Variants in STK40 observed in about 807,000 individuals in gnomAD.
The protein encoded by STK40 is serine/threonine-protein kinase 40.
In STK40, 13 loss-of-function variants were observed where a neutral mutation model predicts 47.9. That is an observed-to-expected ratio of 0.27 (90% CI 0.18 to 0.43). STK40 has a LOEUF of 0.43. STK40 is among the 20% of genes least tolerant of loss of function. The pLI is 1.00. For missense variants in STK40, 460 were observed against 595.1 expected, an observed-to-expected ratio of 0.77 and a Z score of 2.36; for synonymous variants, 225 against 243.2, an observed-to-expected ratio of 0.93 and a Z score of 0.69.
intron 2 of STK40, 63 bp from the exon 3 acceptor site, chr1:36,358,885 C>A (rs1359827737): frequency 1.9e-6 from 3 of 1,593,424 alleles, no homozygotes; most frequent in Non-Finnish European, 1.7e-6. Context: ...CGCCAGGTCA[C>A]CACGTGGTCT....
intron 2 of STK40, among the ~76,000 whole-genome samples, chr1:36,360,533 T>G (rs1646842567): frequency 2.0e-5 from 3 of 151,758 alleles, no homozygotes; most frequent in Admixed American, 2.0e-4. Flanking sequence ...TTATTTTATT[T>G]TATTTTATTT....
chr1:36,361,011 C>A (rs1173164727), intron 2 of STK40, among the ~76,000 whole-genome samples: 6 of 152,186 alleles, frequency 3.9e-5, no homozygotes, highest in Admixed American at 3.9e-4. Flanking sequence ...GCCCCTGGTA[C>A]AGAGTGACCC....
intron 2 of STK40, among the ~76,000 whole-genome samples, chr1:36,360,940 G>A (rs1368347313): frequency 6.6e-6 from 1 of 152,200 alleles, no homozygotes; most frequent in Non-Finnish European, 1.5e-5. Flanking sequence ...TCTGGGGGGA[G>A]AGTCGGAGCC....
At chr1:36,356,707 A>G (rs192829546) in intron 4 of STK40, among the ~76,000 whole-genome samples, 153 of 152,100 alleles carry the variant, frequency 1.0e-3, no homozygotes, top group East Asian at 1.5e-3. Flanking sequence ...TTACAGGCAT[A>G]AGCTACCTCG....
intron 10 of STK40, 55 bp from the exon 11 acceptor site, chr1:36,342,028 G>A (rs1570430413): frequency 8.0e-6 from 12 of 1,507,416 alleles, no homozygotes; most frequent in South Asian, 7.2e-5. Flanking sequence ...TGAAGGCAGC[G>A]CAGCAGACAG....
At chr1:36,358,947 G>T in intron 2 of STK40, 125 bp from the exon 3 acceptor site, 1 of 985,580 alleles carries the variant, frequency 1.0e-6, no homozygotes. Context: ...GTACTGGACT[G>T]ACCCTCCAAG....
chr1:36,342,544 T>C (rs1472482000), intron 10 of STK40: 4 of 161,732 alleles, frequency 2.5e-5, no homozygotes, highest in African/African-American at 9.6e-5. Context: ...GAAAGTCCTC[T>C]CTAACCCTGT....
In STK40 at chr1:36,355,240, TAGA is replaced by T; in HGVS notation, c.533_535del (p.Phe178del). On this transcript the variant is annotated inframe_deletion, in exon 5 of 11. Coordinates refer to ENST00000373132, the MANE Select transcript of STK40 (RefSeq NM_001282547.2). Reference sequence around the variant, plus strand: ...GGCCTCCACCACGCGGACCACGTCGTAGAAGATTACCACAGTCTCCCTCTCGCT... The same window carrying T: ...GGCCTCCACCACGCGGACCACGTCGTAGATTACCACAGTCTCCCTCTCGCT... The T allele has an allele frequency of 6.2e-7, 1 of 1,614,090 alleles. No individual in the cohort carries two copies. The highest frequency in any genetic ancestry group is 8.5e-7 in the Non-Finnish European group (1 of 1,180,022).
At chr1:36,345,096 C>T (rs1646688363) in intron 7 of STK40, among the ~76,000 whole-genome samples, 1 of 152,228 alleles carries the variant, frequency 6.6e-6, no homozygotes, top group Non-Finnish European at 1.5e-5. Context: ...CATTGTCTGA[C>T]CCACTCCCCC....
chr1:36,345,537 C>T (rs1336171851), intron 7 of STK40, among the ~76,000 whole-genome samples: 2 of 152,152 alleles, frequency 1.3e-5, no homozygotes, highest in Non-Finnish European at 2.9e-5. Flanking sequence ...TTTCCAGCGC[C>T]CGGTGCCAAA....
At position 36,358,798 on chromosome 1, in the gene STK40, A is replaced by G; in HGVS notation, c.137T>C (p.Val46Ala). The change falls in exon 3 of 11, where the codon GTG becomes GCG. Residue 46 changes from valine (V) to alanine (A), a missense_variant. By Grantham distance (64) the Val-to-Ala change is moderately conservative. Around this residue, in one of 3 missense-constraint regions of STK40, gnomAD observed 277 missense variants for 358.7 expected, o/e 0.77. Transcript: ENST00000373132. ...CGCCAAACACTGCACTATGCTTGGC[A>G]CCGGTGAGTTGCCCAGACGGGGACC... ...ILGPRLGNSP[V>A]PSIVQCLARK... 2 of 1,614,158 alleles carry G rather than the reference A, an allele frequency of 1.2e-6. No individual in the cohort carries two copies. The highest frequency in any genetic ancestry group is 1.7e-6 in the Non-Finnish European group (2 of 1,180,028).
intron 7 of STK40, among the ~76,000 whole-genome samples, chr1:36,348,107 T>G (rs1396150527): frequency 6.6e-6 from 1 of 152,212 alleles, no homozygotes; most frequent in African/African-American, 2.4e-5. Context: ...AGTAACAGAA[T>G]GAATGAACAC....
At chr1:36,384,913 G>A (rs1459195837) in intron 1 of STK40, among the ~76,000 whole-genome samples, 1 of 152,204 alleles carries the variant, frequency 6.6e-6, no homozygotes, top group African/African-American at 2.4e-5. Context: ...TTCCCCACTG[G>A]TTCTCAAAAC....
intron 1 of STK40, among the ~76,000 whole-genome samples, chr1:36,379,255 T>C (rs745510740): frequency 1.3e-5 from 2 of 152,176 alleles, no homozygotes; most frequent in Non-Finnish European, 2.9e-5. Flanking sequence ...CTTCTCAGTT[T>C]TTCTACCTCT....
chr1:36,342,307 G>A (rs760124495), intron 10 of STK40: 3 of 346,948 alleles, frequency 8.6e-6, no homozygotes, highest in Admixed American at 4.4e-5. Flanking sequence ...GCCCTGAGGC[G>A]GCTAATGCAC....
chr1:36,359,955 C>T (rs573594875), intron 2 of STK40, among the ~76,000 whole-genome samples: 1 of 152,332 alleles, frequency 6.6e-6, no homozygotes, highest in South Asian at 2.1e-4. Flanking sequence ...TGCTGCTTCT[C>T]CTCCTCAGGT....
chr1:36,362,453 G>C (rs890752091), intron 1 of STK40: 1 of 152,226 alleles, frequency 6.6e-6, no homozygotes, highest in Non-Finnish European at 1.5e-5. Flanking sequence ...GCCCAGGTAA[G>C]AAATGGCATG....
chr1:36,361,253 T>A lies in STK40; in HGVS notation c.80A>T (p.Asn27Ile). 1 of 1,614,208 alleles carries A rather than the reference T, an allele frequency of 6.2e-7. No homozygotes were observed. The highest frequency in any genetic ancestry group is 1.1e-5 in the South Asian group (1 of 91,090). ...AKALGSGISG[N>I]NAKRAGPFIL... is the part of the protein sequence containing the mutation. ...GAATGGTCCAGCTCTCTTTGCATTATTTCCAGAAATCCCACTTCCTAGAGC... is the reference window on the plus strand; with the variant it reads ...GAATGGTCCAGCTCTCTTTGCATTAATTCCAGAAATCCCACTTCCTAGAGC... The change falls in exon 2 of 11, where the codon AAT becomes ATT. Residue 27 changes from asparagine to isoleucine, a missense_variant. Around this residue, in one of 3 missense-constraint regions of STK40, gnomAD observed 277 missense variants for 358.7 expected, o/e 0.77. Coordinates refer to ENST00000373132, the MANE Select transcript of STK40 (RefSeq NM_001282547.2).
At chr1:36,382,949 A>G (rs978392540) in intron 1 of STK40, among the ~76,000 whole-genome samples, 1 of 152,168 alleles carries the variant, frequency 6.6e-6, no homozygotes, top group African/African-American at 2.4e-5. Flanking sequence ...TGGCAGAGCC[A>G]AATAAGCTTT....
Sources: gnomAD v4.1 joint callset for allele counts (sites outside exome capture counted in the v4.1 genomes callset) on GRCh38, gnomAD v4.1.1 for gene constraint, gnomAD v4.1.1 regional missense constraint, MANE v1.5 for transcripts, NCBI Gene and HGNC (gene_info 2026-07-23, HGNC 2026-07-21) for gene names.